The following EPB41L4A variants were observed in gnomAD, a reference collection of about 807,000 sequenced individuals.
EPB41L4A encodes band 4.1-like protein 4A.
In EPB41L4A, 100 loss-of-function variants were observed where a neutral mutation model predicts 108.6. The observed-to-expected ratio is 0.92, with a 90% confidence interval of 0.78 to 1.09. The LOEUF (loss-of-function observed/expected upper bound fraction) is 1.09, where lower values mean the gene tolerates loss of function less well. Among genes scored for constraint, EPB41L4A ranks in the 50% least tolerant of loss-of-function variants. The pLI is 0.00. For missense variants in EPB41L4A, 1,030 were observed against 842.7 expected (o/e 1.22, Z -2.75); for synonymous variants, 319 against 289.0 (o/e 1.10, Z -1.05).
At chr5:112,307,783 A>G (rs1328150921) in intron 1 of EPB41L4A, among the ~76,000 whole-genome samples, 1 of 152,176 alleles carries the variant, frequency 6.6e-6, no homozygotes, top group Non-Finnish European at 1.5e-5. Flanking sequence ...TTCTTCTTTT[A>G]ATAAAGATAA....
chr5:112,309,023 G>A (rs1478784332), intron 1 of EPB41L4A, among the ~76,000 whole-genome samples: 1 of 152,274 alleles, frequency 6.6e-6, no homozygotes, highest in East Asian at 1.9e-4. Context: ...CTAACCCAAA[G>A]TTTATGAGCA....
chr5:112,229,166 A>G (rs1748685304), intron 12 of EPB41L4A, among the ~76,000 whole-genome samples: 1 of 152,110 alleles, frequency 6.6e-6, no homozygotes, highest in South Asian at 2.1e-4. Context: ...AAAAGTAATA[A>G]CCCCCATCAC....
intron 12 of EPB41L4A, among the ~76,000 whole-genome samples, chr5:112,233,465 T>C (rs1749104046): frequency 6.6e-6 from 1 of 152,262 alleles, no homozygotes. Context: ...TTTATTTATA[T>C]ACTTTCTATA....
chr5:112,228,686 C>G (rs1013392104), intron 12 of EPB41L4A: 1 of 984,784 alleles, frequency 1.0e-6, no homozygotes. Context: ...GAGACGATCT[C>G]CTTTGACAGG....
chr5:112,222,192 T>C (rs941976022), intron 12 of EPB41L4A, among the ~76,000 whole-genome samples: 4 of 152,224 alleles, frequency 2.6e-5, no homozygotes, highest in African/African-American at 4.8e-5. Context: ...AGAGTATTTG[T>C]TGAAAACAAG....
intron 2 of EPB41L4A, among the ~76,000 whole-genome samples, chr5:112,288,007 C>G (rs57543557): frequency 5.3e-5 from 8 of 152,174 alleles, no homozygotes; most frequent in Admixed American, 1.3e-4. Context: ...CTTTCGCATT[C>G]CTAGTCCTAT....
At chr5:112,179,708 ATG>A (rs1296508764) in intron 18 of EPB41L4A, among the ~76,000 whole-genome samples, 1 of 152,174 alleles carries the variant, frequency 6.6e-6, no homozygotes, top group Non-Finnish European at 1.5e-5. Flanking sequence ...ATCATATATA[ATG>A]TGACATATTG....
intron 22 of EPB41L4A, among the ~76,000 whole-genome samples, chr5:112,165,825 G>A (rs2150189962): frequency 6.6e-6 from 1 of 152,244 alleles, no homozygotes; most frequent in East Asian, 1.9e-4. Flanking sequence ...ATTTGTTTGA[G>A]CTAAAAATAA....
chr5:112,294,318 G>A (rs1282890202), intron 2 of EPB41L4A, among the ~76,000 whole-genome samples: 1 of 152,168 alleles, frequency 6.6e-6, no homozygotes, highest in Non-Finnish European at 1.5e-5. Context: ...CTCTTGTCAA[G>A]GCCCTCGCCT....
intron 1 of EPB41L4A, among the ~76,000 whole-genome samples, chr5:112,358,470 G>T (rs767525793): frequency 6.6e-6 from 1 of 152,196 alleles, no homozygotes; most frequent in Non-Finnish European, 1.5e-5. Flanking sequence ...ACCCATGGTT[G>T]ATTATTAGGA....
intron 12 of EPB41L4A, among the ~76,000 whole-genome samples, chr5:112,157,002 T>C (rs1344351755): frequency 1.3e-5 from 2 of 152,088 alleles, no homozygotes; most frequent in Non-Finnish European, 1.5e-5. Context: ...CGTGGTGATA[T>C]GGATGTGGGA....
At chr5:112,414,196 G>T (rs1422628509) in intron 1 of EPB41L4A, among the ~76,000 whole-genome samples, 2 of 152,112 alleles carry the variant, frequency 1.3e-5, no homozygotes, top group Non-Finnish European at 2.9e-5. Context: ...AAAGATACTT[G>T]AATATGAAGC....
intron 1 of EPB41L4A, among the ~76,000 whole-genome samples, chr5:112,347,681 T>C (rs1281936561): frequency 6.6e-6 from 1 of 152,242 alleles, no homozygotes; most frequent in Non-Finnish European, 1.5e-5. Flanking sequence ...CTTTAGAACA[T>C]AATTGAATAT....
Position 112,165,088 on chromosome 5 carries a change from C to T in EPB41L4A, c.1963G>A (p.Glu655Lys). Residue 655 changes from glutamate to lysine, a missense_variant, in exon 23 of 23, where the codon GAA (glutamate) becomes AAA (lysine). Physicochemically the swap from Glu to Lys is moderately conservative, Grantham distance 56. Coordinates refer to ENST00000261486, the MANE Select transcript of EPB41L4A (RefSeq NM_022140.5). Reference protein sequence around the residue: ...RRNGSKDSLMEEKPQTSTNNL... With the variant: ...RRNGSKDSLMKEKPQTSTNNL... ...TTTGTAGATGTCTGAGGTTTTTCTTCCATCAGGCTATCTTTAGACCCATTT... is the reference window on the plus strand; with the variant it reads ...TTTGTAGATGTCTGAGGTTTTTCTTTCATCAGGCTATCTTTAGACCCATTT... 1 of 1,602,658 alleles carries T rather than the reference C, an allele frequency of 6.2e-7. No homozygotes were observed. The highest frequency in any genetic ancestry group is 1.1e-5 in the South Asian group (1 of 90,516).
Position 112,265,031 on chromosome 5 carries a change from T to C in EPB41L4A, c.434-15A>G. On this transcript the variant is annotated splice_polypyrimidine_tract_variant and intron_variant, in intron 5 of 22. Transcript: ENST00000261486. ...TCCAAGCTCCGCTAAAAAAGAAAGA[T>C]AACATAGTTTTTTCCATTTTAGGAA... is the stretch of plus-strand genomic sequence containing the variant. 6.5e-7 allele frequency: 1 copy of C among 1,539,752 alleles called. No homozygotes were observed. The highest frequency in any genetic ancestry group is 1.3e-5 in the South Asian group (1 of 77,068).
chr5:112,417,528 A>G (rs1762785459), intron 1 of EPB41L4A, among the ~76,000 whole-genome samples: 1 of 152,246 alleles, frequency 6.6e-6, no homozygotes, highest in Non-Finnish European at 1.5e-5. Context: ...ACAGTACACC[A>G]AAGAATGTTA....
Position 112,184,104 on chromosome 5 carries a change from C to G in EPB41L4A, c.1534G>C (p.Ala512Pro). 1 of 1,614,014 alleles carries G rather than the reference C, an allele frequency of 6.2e-7. No individual in the cohort carries two copies. Among genetic ancestry groups the G allele is most frequent in the South Asian group, 1.1e-5 (1 of 91,072 alleles). The change falls in exon 18 of 23, where the codon GCG (alanine) becomes CCG (proline). Residue 512 changes from alanine to proline, a missense_variant. Physicochemically the swap from Ala to Pro is conservative, Grantham distance 27. Transcript: ENST00000261486. The stretch of plus-strand genomic sequence containing the variant: ...CTTAATACAGCTTCCCACTGAGGCG[C>G]TGAATCAACCATATCATTCTCCTGC... Reference protein sequence around the residue: ...IRQENDMVDSAPQWEAVLRRQ... With the variant: ...IRQENDMVDSPPQWEAVLRRQ...
At chr5:112,237,948 T>C (rs1417385431) in intron 11 of EPB41L4A, among the ~76,000 whole-genome samples, 1 of 152,190 alleles carries the variant, frequency 6.6e-6, no homozygotes. Context: ...TTTTAATCAC[T>C]TCCTTGGAAG....
intron 12 of EPB41L4A, among the ~76,000 whole-genome samples, chr5:112,151,864 G>A (rs369435133): frequency 6.6e-6 from 1 of 152,034 alleles, no homozygotes; most frequent in Non-Finnish European, 1.5e-5. Flanking sequence ...CCTAGTAGCT[G>A]GGATTACAGG....
Sources: gnomAD v4.1 joint callset for allele counts (sites outside exome capture counted in the v4.1 genomes callset) on GRCh38, gnomAD v4.1.1 for gene constraint, MANE v1.5 for transcripts, NCBI Gene and HGNC (gene_info 2026-07-23, HGNC 2026-07-21) for gene names.